TMEM184A: variants seen among roughly 807,000 people sequenced by gnomAD.
TMEM184A encodes the protein transmembrane protein 184A.
Under a neutral mutation model 39.5 loss-of-function variants are expected in TMEM184A, and 40 were observed. The ratio of observed to expected loss-of-function variants is 1.01; its 90% CI spans 0.79 to 1.32. The LOEUF is 1.32. Ranked by LOEUF, TMEM184A falls within the 40% of genes most tolerant of loss-of-function variation. The pLI, the probability that TMEM184A is intolerant of heterozygous loss-of-function variation, is 0.00. For missense variants in TMEM184A, 603 were observed against 568.8 expected (o/e 1.06, Z -0.61); for synonymous variants, 280 against 252.3 (o/e 1.11, Z -1.04).
intron 6 of TMEM184A, 57 bp from the exon 7 acceptor site, chr7:1,548,745 C>A (rs1307140210): frequency 1.1e-5 from 18 of 1,585,810 alleles, no homozygotes; most frequent in Non-Finnish European, 1.5e-5. Flanking sequence ...ACTGTCCCCA[C>A]CCTAGAGCCA....
rs1784336181 is a variant in TMEM184A at position 1,546,109 on chromosome 7, A to AC, written c.*842dup. The AC allele has an allele frequency of 6.6e-6, 1 of 152,446 alleles. No individual in the cohort carries two copies. The highest frequency in any genetic ancestry group is 1.5e-5 in the Non-Finnish European group (1 of 68,182). The allele number at this position is 152,446 out of a possible 1,614,324, so 9.4% of individuals were successfully genotyped here. A position where few individuals can be genotyped will look rare whatever the true frequency, so the allele number is the denominator to read the frequency against. On this transcript the variant is annotated 3_prime_UTR_variant, in exon 9 of 9. Transcript: ENST00000297477. ...ACTGCCCTGGACCACGAGGCTGCCC[A>AC]CCCCAGACAGGTGGGACCCCTTTCC...
chr7:1,547,885 C>T lies in TMEM184A; in HGVS notation c.869G>A (p.Ser290Asn). Residue 290 changes from serine to asparagine, a missense_variant, in exon 8 of 9, where the codon AGC becomes AAC. Coordinates refer to ENST00000297477, the MANE Select transcript of TMEM184A (RefSeq NM_001097620.2). ...GCCAGCCCCCAGCTTGTTCCCGCCG[C>T]TGGTCTCCACCTCCGGGATGACCCC... ...RCGVIPEVET[S>N]GGNKLGAGTL... The T allele has an allele frequency of 6.3e-7, 1 of 1,598,522 alleles. No individual in the cohort carries two copies. Among genetic ancestry groups the T allele is most frequent in the Non-Finnish European group, 8.5e-7 (1 of 1,173,132 alleles).
Position 1,548,690 on chromosome 7 carries a change from T to C in TMEM184A, c.645-2A>G. 6.2e-7 allele frequency: 1 copy of C among 1,612,942 alleles called. No homozygotes were observed. The highest frequency in any genetic ancestry group is 1.7e-4 in the Middle Eastern group (1 of 6,054). On this transcript the variant is annotated splice_acceptor_variant, in intron 6 of 8. Transcript: ENST00000297477. LOFTEE classifies it high-confidence loss of function. The stretch of plus-strand genomic sequence containing the variant: ...ACATAGAGGTAGCCGCTGCGGACAC[T>C]AGGACAGACGGGGGCTGTGGTCAGG...
rs998075595 is a variant in TMEM184A, at chr7:1,544,620, C to G, written c.*2332G>C. The G allele has an allele frequency of 6.6e-6, 1 of 152,388 alleles. No homozygotes were observed. Among genetic ancestry groups the G allele is most frequent in the East Asian group, 1.9e-4 (1 of 5,196 alleles). The allele number at this position is 152,388 out of a possible 1,614,324, so 9.4% of individuals were successfully genotyped here. On this transcript the variant is annotated 3_prime_UTR_variant, in exon 9 of 9. Coordinates refer to ENST00000297477, the MANE Select transcript of TMEM184A (RefSeq NM_001097620.2). ...GCCTGGACCGCCCCACGCTGCCTTC[C>G]GTCCACGCAGAGCGGGCTCGGCCCT...
intron 2 of TMEM184A, among the ~76,000 whole-genome samples, chr7:1,551,616 A>G (rs1040958346): frequency 2.0e-5 from 3 of 152,226 alleles, no homozygotes; most frequent in Admixed American, 6.5e-5. Flanking sequence ...TTCTGGTTAC[A>G]ACTAAAAATA....
rs985285082 is a variant in TMEM184A, at chr7:1,547,858, G to A, written c.896C>T (p.Thr299Met). The change falls in exon 8 of 9, where the codon ACG becomes ATG. Residue 299 changes from threonine (T) to methionine (M), a missense_variant. By Grantham distance (81) the Thr-to-Met change is moderately conservative (BLOSUM62 -1). Coordinates refer to ENST00000297477, the MANE Select transcript of TMEM184A (RefSeq NM_001097620.2). Reference sequence around the variant, plus strand: ...GAAGTTCTGGTAGCCGGCGGCCAGCGTGCCAGCCCCCAGCTTGTTCCCGCC... The same window carrying A: ...GAAGTTCTGGTAGCCGGCGGCCAGCATGCCAGCCCCCAGCTTGTTCCCGCC... ...TSGGNKLGAGTLAAGYQNFII... is the reference protein window; with the variant it reads ...TSGGNKLGAGMLAAGYQNFII... The A allele has an allele frequency of 2.5e-6, 4 of 1,605,528 alleles. No homozygotes were observed. Among genetic ancestry groups the A allele is most frequent in the East Asian group, 2.2e-5 (1 of 44,534 alleles).
chr7:1,547,956 C>A lies in TMEM184A; in HGVS notation c.815-17G>T. ...GCAGCAGCCCTGCGGACGCCACGGC[C>A]GCTCAGCCCCAGCCCCAGACGGGGT... On this transcript the variant is annotated splice_polypyrimidine_tract_variant and intron_variant, in intron 7 of 8. Transcript: ENST00000297477. 1 of 1,551,532 alleles carries A rather than the reference C, an allele frequency of 6.4e-7. No individual in the cohort carries two copies. Among genetic ancestry groups the A allele is most frequent in the Non-Finnish European group, 8.7e-7 (1 of 1,149,854 alleles).
intron 6 of TMEM184A, chr7:1,549,557 T>C: frequency 1.9e-6 from 1 of 537,766 alleles, no homozygotes; most frequent in Non-Finnish European, 3.7e-6. Context: ...CCCAGCCGTG[T>C]CCTGTGAGGG....
At chr7:1,548,431 G>A (rs1054229644) in intron 7 of TMEM184A, 88 bp downstream of exon 7, 31 of 1,432,364 alleles carry the variant, frequency 2.2e-5, no homozygotes, top group Middle Eastern at 1.8e-4. Flanking sequence ...GCACGTGGGG[G>A]CTGGGGAAAG....
At chr7:1,547,293 T>A in intron 8 of TMEM184A, 112 bp from the exon 9 acceptor site, 4 of 677,370 alleles carry the variant, frequency 5.9e-6, no homozygotes, top group Non-Finnish European at 9.9e-6. Context: ...AGGTCTGGCC[T>A]CGGCCAGCAG....
intron 7 of TMEM184A, 103 bp downstream of exon 7, chr7:1,548,416 C>T (rs909963238): frequency 9.8e-5 from 134 of 1,366,358 alleles, no homozygotes; most frequent in Non-Finnish European, 1.3e-4. Flanking sequence ...GCTGGAGAAA[C>T]TGAAGCACGT....
At chr7:1,548,944 G>T (rs760790723) in intron 6 of TMEM184A, 2 of 640,964 alleles carry the variant, frequency 3.1e-6, no homozygotes, top group African/African-American at 3.6e-5. Context: ...GCTCCTCCTC[G>T]TCCCAGGATC....
intron 2 of TMEM184A, among the ~76,000 whole-genome samples, chr7:1,551,850 T>C (rs913144203): frequency 3.3e-5 from 5 of 151,824 alleles, no homozygotes; most frequent in African/African-American, 7.3e-5. Context: ...GGCAGGAGAA[T>C]CGCTTGAGCC....
At position 1,544,568 on chromosome 7, in the gene TMEM184A, C is replaced by G. The variant is rs188357212; in HGVS notation, c.*2384G>C. Reference sequence around the variant, plus strand: ...TCCCTCCCGCTCACATGCGCCCACGCTCCCCCTCGAGGCAGGTTGAGCCCC... The same window carrying G: ...TCCCTCCCGCTCACATGCGCCCACGGTCCCCCTCGAGGCAGGTTGAGCCCC... On this transcript the variant is annotated 3_prime_UTR_variant, in exon 9 of 9. Transcript: ENST00000297477. 2.0e-5 allele frequency: 3 copies of G among 152,546 alleles called. No homozygotes were observed. Among genetic ancestry groups the G allele is most frequent in the Admixed American group, 2.0e-4 (3 of 15,308 alleles). The allele number at this position is 152,546 out of a possible 1,614,324, so 9.4% of individuals were successfully genotyped here.
chr7:1,554,118 G>C (rs1483400647), intron 2 of TMEM184A, among the ~76,000 whole-genome samples: 3 of 152,140 alleles, frequency 2.0e-5, no homozygotes, highest in African/African-American at 7.2e-5. Flanking sequence ...CGTCTACCGT[G>C]GGTTCTGGTT....
chr7:1,548,946 C>T (rs1401921404), intron 6 of TMEM184A: 1 of 639,010 alleles, frequency 1.6e-6, no homozygotes, highest in Non-Finnish European at 2.9e-6. Flanking sequence ...TCCTCCTCGT[C>T]CCAGGATCCT....
At position 1,542,743 on chromosome 7, in the gene TMEM184A, C is replaced by A. The variant is rs947822388; in HGVS notation, c.*4209G>T. ...TTGTTTTCTGTCTCCGTGCCTCCGGCTTCCCAAAGAGATCCAGGTCTTTGC... is the reference window on the plus strand; with the variant it reads ...TTGTTTTCTGTCTCCGTGCCTCCGGATTCCCAAAGAGATCCAGGTCTTTGC... On this transcript the variant is annotated 3_prime_UTR_variant, in exon 9 of 9. Transcript: ENST00000297477. 6.6e-6 allele frequency: 1 copy of A among 152,620 alleles called. No homozygotes were observed. The highest frequency in any genetic ancestry group is 6.5e-5 in the Admixed American group (1 of 15,294). The allele number at this position is 152,620 out of a possible 1,614,324, so 9.5% of individuals were successfully genotyped here. A position where few individuals can be genotyped will look rare whatever the true frequency, so the allele number is the denominator to read the frequency against.
chr7:1,547,989 G>T (rs1270632804), intron 7 of TMEM184A, 50 bp from the exon 8 acceptor site: 7 of 1,529,722 alleles, frequency 4.6e-6, no homozygotes, highest in Non-Finnish European at 6.2e-6. Flanking sequence ...GGTCTGCAGG[G>T]GAGGAAGAGG....
rs1261704259 is a variant in TMEM184A, at chr7:1,544,227, TG to T, written c.*2724del. 2 of 152,156 alleles carry T rather than the reference TG, an allele frequency of 1.3e-5. No individual in the cohort carries two copies. Among genetic ancestry groups the T allele is most frequent in the Non-Finnish European group, 2.9e-5 (2 of 68,044 alleles). The allele number at this position is 152,156 out of a possible 1,614,324, so 9.4% of individuals were successfully genotyped here. ...GGGGGCACAGAGCCCCAGCCCTGTG[TG>T]GGGCTCCTGGAGGCTGCGGACAGAC... On this transcript the variant is annotated 3_prime_UTR_variant, in exon 9 of 9. Transcript: ENST00000297477.
Sources: gnomAD v4.1 joint callset for allele counts (sites outside exome capture counted in the v4.1 genomes callset) on GRCh38, gnomAD v4.1.1 for gene constraint, MANE v1.5 for transcripts, NCBI Gene and HGNC (gene_info 2026-07-23, HGNC 2026-07-21) for gene names.